CSNK2B: variants seen among roughly 807,000 people sequenced by gnomAD.
CSNK2B encodes casein kinase II subunit beta.
CSNK2B carries 2 observed loss-of-function variants against 28.8 expected under a neutral mutation model. The ratio of observed to expected loss-of-function variants is 0.07; its 90% CI spans 0.03 to 0.22. The LOEUF is 0.22. Among genes scored for constraint, CSNK2B ranks in the 10% least tolerant of loss-of-function variants. The pLI is 1.00. For missense variants in CSNK2B, 107 were observed against 277.9 expected (o/e 0.39, Z 4.37); for synonymous variants, 89 against 96.1 (o/e 0.93, Z 0.43).
chr6:31,669,739 C>A lies in CSNK2B; in HGVS notation c.558-97C>A. ...ACGAGGCTTTAGCTCTGAGCAGGTC[C>A]ATAGAGGAGCTCAGGTGGGGAGGTG... On this transcript the variant is annotated intron_variant, in intron 6 of 6. Transcript: ENST00000375882. The surrounding 1 kb of genome is among the most constrained non-coding windows in gnomAD (Gnocchi z 4.8). 1 of 1,151,650 alleles carries A rather than the reference C, an allele frequency of 8.7e-7. No individual in the cohort carries two copies. The highest frequency in any genetic ancestry group is 1.2e-6 in the Non-Finnish European group (1 of 804,180). The allele number at this position is 1,151,650 out of a possible 1,614,324, so 71.3% of individuals were successfully genotyped here. A position where few individuals can be genotyped will look rare whatever the true frequency, so the allele number is the denominator to read the frequency against.
chr6:31,667,420 T>C (rs1801842841), intron 2 of CSNK2B: 4 of 346,154 alleles, frequency 1.2e-5, no homozygotes, highest in Non-Finnish European at 2.3e-5. Context: ...GCGTGAGCCA[T>C]TGCGCCCGGC....
In CSNK2B at chr6:31,669,180, T is replaced by C; in HGVS notation, c.367+8T>C. On this transcript the variant is annotated splice_region_variant and intron_variant, in intron 5 of 6. Coordinates refer to ENST00000375882, the MANE Select transcript of CSNK2B (RefSeq NM_001320.7). The surrounding 1 kb of genome is among the most constrained non-coding windows in gnomAD (Gnocchi z 4.8). ...AGCCAATGCTTCCCATTGGTGAGTG[T>C]TGAAGAAGGGAAAGGAAAGCACCGT... is the stretch of plus-strand genomic sequence containing the variant. The C allele has an allele frequency of 1.2e-6, 2 of 1,612,878 alleles. No homozygotes were observed. The highest frequency in any genetic ancestry group is 1.7e-6 in the Non-Finnish European group (2 of 1,179,100).
intron 4 of CSNK2B, 47 bp downstream of exon 4, chr6:31,668,701 C>A: frequency 1.3e-6 from 2 of 1,525,324 alleles, no homozygotes; most frequent in Non-Finnish European, 1.8e-6. Flanking sequence ...CAGTAAGAGA[C>A]ACAGGTTCCT....
Position 31,669,908 on chromosome 6 carries a change from A to G in CSNK2B, c.630A>G (p.Pro210=). 6.2e-7 allele frequency: 1 copy of G among 1,612,926 alleles called. No individual in the cohort carries two copies. Among genetic ancestry groups the G allele is most frequent in the Non-Finnish European group, 8.5e-7 (1 of 1,179,998 alleles). ...AAGCCGCCAGCAACTTCAAGAGCCC[A>G]GTCAAGACGATTCGCTGATTCCCTC... is the stretch of plus-strand genomic sequence containing the variant. ...QLQAASNFKS[P]VKTIR Residue 210 remains proline (P), a synonymous_variant, in exon 7 of 7, where the codon CCA becomes CCG. Transcript: ENST00000375882. The surrounding 1 kb of genome is among the most constrained non-coding windows in gnomAD (Gnocchi z 4.8).
At chr6:31,668,996 G>T in intron 4 of CSNK2B, 101 bp from the exon 5 acceptor site, 1 of 845,926 alleles carries the variant, frequency 1.2e-6, no homozygotes. Flanking sequence ...TCTGGACAGA[G>T]GTGGGAGGAG....
At chr6:31,667,506 A>G (rs2151184403) in intron 2 of CSNK2B, among the ~76,000 whole-genome samples, 1 of 152,336 alleles carries the variant, frequency 6.6e-6, no homozygotes, top group African/African-American at 2.4e-5. Flanking sequence ...AATGCTACAC[A>G]TTGAAATGTT....
chr6:31,667,597 A>G (rs929169232), intron 2 of CSNK2B, among the ~76,000 whole-genome samples: 2 of 152,244 alleles, frequency 1.3e-5, no homozygotes, highest in African/African-American at 2.4e-5. Context: ...GACGGGATAC[A>G]GGAGTGGAGT....
At chr6:31,666,264 G>A in intron 1 of CSNK2B, 56 bp downstream of exon 1, 1 of 904,096 alleles carries the variant, frequency 1.1e-6, no homozygotes, top group Non-Finnish European at 1.3e-6. Flanking sequence ...CGGCACATGG[G>A]GTCTCCGGAC....
chr6:31,668,952 A>G, intron 4 of CSNK2B, 145 bp from the exon 5 acceptor site: 1 of 643,180 alleles, frequency 1.6e-6, no homozygotes, highest in South Asian at 1.9e-5. Flanking sequence ...GCAACACAGA[A>G]GTTTGAGAGC....
intron 4 of CSNK2B, 26 bp downstream of exon 4, chr6:31,668,680 C>T: frequency 1.9e-6 from 3 of 1,591,268 alleles, no homozygotes; most frequent in South Asian, 1.1e-5. Context: ...TCCTACCTGC[C>T]TCCTTCTGAG....
At position 31,667,854 on chromosome 6, in the gene CSNK2B, C is replaced by G. The variant is rs923214060; in HGVS notation, c.73-14C>G. 1 of 1,459,236 alleles carries G rather than the reference C, an allele frequency of 6.9e-7. No homozygotes were observed. Among genetic ancestry groups the G allele is most frequent in the Admixed American group, 2.5e-5 (1 of 39,226 alleles). The allele number at this position is 1,459,236 out of a possible 1,614,324, so 90.4% of individuals were successfully genotyped here. A position where few individuals can be genotyped will look rare whatever the true frequency, so the allele number is the denominator to read the frequency against. On this transcript the variant is annotated splice_polypyrimidine_tract_variant and intron_variant, in intron 2 of 6. Transcript: ENST00000375882. Reference sequence around the variant, plus strand: ...TTTGATATGGGTTCCCTCTTGGCTTCCATGTCCTGACAGGTGGATGAAGAC... The same window carrying G: ...TTTGATATGGGTTCCCTCTTGGCTTGCATGTCCTGACAGGTGGATGAAGAC...
At chr6:31,667,384 G>A (rs1336240344) in intron 2 of CSNK2B, 6 of 357,400 alleles carry the variant, frequency 1.7e-5, no homozygotes, top group Non-Finnish European at 2.2e-5. Flanking sequence ...TGCCTGCCTC[G>A]GCCTCCCAAA....
In CSNK2B at chr6:31,669,181, TGAAGAAGGGAAAGGA is replaced by T; in HGVS notation, c.367+10_367+24del. On this transcript the variant is annotated intron_variant, in intron 5 of 6. Coordinates refer to ENST00000375882, the MANE Select transcript of CSNK2B (RefSeq NM_001320.7). The surrounding 1 kb of genome is among the most constrained non-coding windows in gnomAD (Gnocchi z 4.8). ...GCCAATGCTTCCCATTGGTGAGTGT[TGAAGAAGGGAAAGGA>T]AAGCACCGTGTGGCAGTCTTATGGG... is the stretch of plus-strand genomic sequence containing the variant. 6.2e-7 allele frequency: 1 copy of T among 1,612,940 alleles called. No homozygotes were observed. The highest frequency in any genetic ancestry group is 8.5e-7 in the Non-Finnish European group (1 of 1,179,122).
chr6:31,667,010 C>A, intron 2 of CSNK2B, 107 bp downstream of exon 2: 1 of 990,958 alleles, frequency 1.0e-6, no homozygotes, highest in Non-Finnish European at 1.6e-6. Context: ...TATTTGAAAA[C>A]TTCCTATCAG....
Position 31,670,036 on chromosome 6 carries a change from G to C in CSNK2B, c.*110G>C. On this transcript the variant is annotated 3_prime_UTR_variant, in exon 7 of 7. Transcript: ENST00000375882. ...AAATTAAAGGAGTCGTTATCGTGGTGGGAATATGAAATAAAGTAGAAGAAA... is the reference window on the plus strand; with the variant it reads ...AAATTAAAGGAGTCGTTATCGTGGTCGGAATATGAAATAAAGTAGAAGAAA... The C allele has an allele frequency of 1.2e-6, 1 of 863,538 alleles. No homozygotes were observed. The highest frequency in any genetic ancestry group is 1.7e-6 in the Non-Finnish European group (1 of 580,086). The allele number at this position is 863,538 out of a possible 1,614,324, so 53.5% of individuals were successfully genotyped here. A position where few individuals can be genotyped will look rare whatever the true frequency, so the allele number is the denominator to read the frequency against.
Position 31,669,978 on chromosome 6 carries a change from A to G in CSNK2B, c.*52A>G. 1 of 1,470,090 alleles carries G rather than the reference A, an allele frequency of 6.8e-7. No homozygotes were observed. The highest frequency in any genetic ancestry group is 9.4e-7 in the Non-Finnish European group (1 of 1,069,122). 91.1% of individuals were successfully genotyped at this position (1,470,090 alleles called of 1,614,324 possible). On this transcript the variant is annotated 3_prime_UTR_variant, in exon 7 of 7. Coordinates refer to ENST00000375882, the MANE Select transcript of CSNK2B (RefSeq NM_001320.7). The surrounding 1 kb of genome is among the most constrained non-coding windows in gnomAD (Gnocchi z 4.8). ...TTTGACTTTTCCTTTCTTTTTTGCC[A>G]CCCTTTCAGGAACCCTGTATGGTTT...
chr6:31,666,712 A>G (rs1479576961), intron 1 of CSNK2B, 109 bp from the exon 2 acceptor site: 2 of 773,658 alleles, frequency 2.6e-6, no homozygotes, highest in East Asian at 5.1e-5. Context: ...GCTTTAAGAA[A>G]GGGTGGTTCC....
chr6:31,669,626 C>T lies in CSNK2B; in HGVS notation c.557+118C>T, dbSNP rs1802039099. On this transcript the variant is annotated intron_variant, in intron 6 of 6. Transcript: ENST00000375882. This position sits in a 1 kb window ranked among gnomAD's most constrained non-coding sequence, Gnocchi z 4.8. ...CTTCTCCCAGAATCAGGGCATCTCC[C>T]TGCTGAGTGACTGTGGGAAAGTTAT... is the stretch of plus-strand genomic sequence containing the variant. 3.4e-6 allele frequency: 4 copies of T among 1,180,202 alleles called. No individual in the cohort carries two copies. The highest frequency in any genetic ancestry group is 1.5e-5 in the African/African-American group (1 of 65,508). The allele number at this position is 1,180,202 out of a possible 1,614,324, so 73.1% of individuals were successfully genotyped here.
intron 3 of CSNK2B, chr6:31,668,263 T>G (rs759359410): frequency 1.7e-6 from 1 of 601,242 alleles, no homozygotes; most frequent in Non-Finnish European, 2.9e-6. Flanking sequence ...AATTTCATCT[T>G]CTGCATTGAC....
Sources: allele counts gnomAD v4.1 joint callset (sites outside exome capture counted in the v4.1 genomes callset), GRCh38; gene constraint gnomAD v4.1.1; non-coding constraint Gnocchi (gnomAD v3.1); transcripts MANE v1.5; gene names NCBI Gene and HGNC (gene_info 2026-07-23, HGNC 2026-07-21).